JHY: variants seen among roughly 807,000 people sequenced by gnomAD.
The protein encoded by JHY is junctional cadherin complex regulator, also known as jhy protein homolog.
A neutral mutation model predicts 78.0 loss-of-function variants in JHY; 69 were observed. The ratio of observed to expected loss-of-function variants is 0.88; its 90% CI spans 0.73 to 1.08. JHY has a LOEUF of 1.08. Ranked by LOEUF, JHY falls within the 50% of genes least tolerant of loss-of-function variation. The pLI is 0.00. For synonymous variants in JHY, 368 were observed against 342.6 expected, an observed-to-expected ratio of 1.07 and a Z score of -0.82; for missense variants, 944 against 927.8, an observed-to-expected ratio of 1.02 and a Z score of -0.23.
Position 122,963,730 on chromosome 11 carries a change from A to G in JHY, c.*4285A>G, listed in dbSNP as rs1471711069. 6.6e-6 allele frequency among the ~76,000 whole-genome samples: 1 copy of G among 152,192 alleles called. No homozygotes were observed. Among genetic ancestry groups the G allele is most frequent in the Non-Finnish European group, 1.5e-5 (1 of 68,016 alleles). On this transcript the variant is annotated 3_prime_UTR_variant, in exon 9 of 9. Transcript: ENST00000227349. Reference sequence around the variant, plus strand: ...AATAATCTGCCAATTAGAAAACAAAAAACTTCAAACTTAAGTGATGTAATG... The same window carrying G: ...AATAATCTGCCAATTAGAAAACAAAGAACTTCAAACTTAAGTGATGTAATG...
In JHY at chr11:122,940,803, C is replaced by A. The variant is rs562120908; in HGVS notation, c.1635-5695C>A. Among the ~76,000 whole-genome samples the A allele has an allele frequency of 1.7e-4, 26 of 151,464 alleles. No individual in the cohort carries two copies. In the South Asian group the frequency reaches 5.2e-3, roughly 30 times the overall value. On this transcript the variant is annotated intron_variant, in intron 5 of 8. Transcript: ENST00000227349. Reference sequence around the variant, plus strand: ...TATTACATGGCTGTTGAAATAAGACCTTTTCCTCTTCCTTTTTCTCCTTCC... The same window carrying A: ...TATTACATGGCTGTTGAAATAAGACATTTTCCTCTTCCTTTTTCTCCTTCC...
chr11:122,900,266 A>G (rs548356344), intron 2 of JHY, among the ~76,000 whole-genome samples: 1 of 152,240 alleles, frequency 6.6e-6, no homozygotes, highest in Non-Finnish European at 1.5e-5. Context: ...GTTGCTTTAC[A>G]TCAAATCAAA....
At position 122,962,044 on chromosome 11, in the gene JHY, C is replaced by A. The variant is rs181429163; in HGVS notation, c.*2599C>A. 8.5e-4 allele frequency among the ~76,000 whole-genome samples: 129 copies of A among 152,216 alleles called. 1 individual carries two copies. Among genetic ancestry groups the A allele is most frequent in the Middle Eastern group, 6.8e-3 (2 of 294 alleles). ...TGTCAAATGTGTGTTTTCACACACA[C>A]AAAAATAGATAAGACAAAAGCATTC... On this transcript the variant is annotated 3_prime_UTR_variant, in exon 9 of 9. Coordinates refer to ENST00000227349, the MANE Select transcript of JHY (RefSeq NM_024806.4).
At chr11:122,915,950 T>C (rs1302778119) in intron 3 of JHY, among the ~76,000 whole-genome samples, 2 of 151,416 alleles carry the variant, frequency 1.3e-5, no homozygotes, top group Non-Finnish European at 2.9e-5. Flanking sequence ...ATACTGCTGG[T>C]CAAGAACTGG....
At chr11:122,946,135 C>T (rs767988222) in intron 5 of JHY, among the ~76,000 whole-genome samples, 1 of 152,152 alleles carries the variant, frequency 6.6e-6, no homozygotes, top group Non-Finnish European at 1.5e-5. Context: ...TCGTTTTGGT[C>T]TTTAGAGATT....
chr11:122,950,064 C>T (rs930471887), intron 6 of JHY, among the ~76,000 whole-genome samples: 2 of 152,034 alleles, frequency 1.3e-5, no homozygotes, highest in African/African-American at 4.8e-5. Context: ...GAACTCCTGA[C>T]CTCAGATGAT....
intron 3 of JHY, among the ~76,000 whole-genome samples, chr11:122,906,982 A>T (rs1164517186): frequency 6.6e-6 from 1 of 151,942 alleles, no homozygotes; most frequent in Admixed American, 6.6e-5. Flanking sequence ...TTTTTAAGAG[A>T]TGACTCCTAT....
intron 3 of JHY, among the ~76,000 whole-genome samples, chr11:122,918,967 AGCTATTGTAGCTGCCTCTG>A (rs1378801992): frequency 6.6e-6 from 1 of 152,176 alleles, no homozygotes; most frequent in African/African-American, 2.4e-5. Flanking sequence ...GCTCAGATGC[AGCTATTGTAGCTGCCTCTG>A]GGGTGGCAGG....
intron 4 of JHY, among the ~76,000 whole-genome samples, chr11:122,928,681 C>T (rs1445384495): frequency 1.3e-5 from 2 of 152,130 alleles, no homozygotes; most frequent in African/African-American, 4.8e-5. Flanking sequence ...CCGAGTCTCA[C>T]TCTGTTGCCC....
chr11:122,960,106 TGTCTATA>T lies in JHY; in HGVS notation c.*664_*670del, dbSNP rs2135388412. ...AAAATTAGCTAGGCGTGGTGGCGCA[TGTCTATA>T]GTTCCAGGTACTCAGGAGGCTGAGG... On this transcript the variant is annotated 3_prime_UTR_variant, in exon 9 of 9. Coordinates refer to ENST00000227349, the MANE Select transcript of JHY (RefSeq NM_024806.4). Among the ~76,000 whole-genome samples, 1 of 152,114 alleles carries T rather than the reference TGTCTATA, an allele frequency of 6.6e-6. No homozygotes were observed. Among genetic ancestry groups the T allele is most frequent in the Non-Finnish European group, 1.5e-5 (1 of 67,982 alleles).
In JHY at chr11:122,886,044, G is replaced by C. The variant is rs1245991236; in HGVS notation, c.195G>C (p.Arg65=). The change falls in exon 2 of 9, where the codon CGG becomes CGC. Residue 65 remains arginine (R), a synonymous_variant. Transcript: ENST00000227349. ...ATTCTGAGTTTGATGATCGAATCCG[G>C]GGCAACGGTATGGAGCCCGACAGCT... ...MCHSEFDDRI[R]GNGMEPDSLD... The C allele has an allele frequency of 1.2e-6, 2 of 1,614,082 alleles. No homozygotes were observed. Among genetic ancestry groups the C allele is most frequent in the East Asian group, 2.2e-5 (1 of 44,876 alleles).
At chr11:122,897,604 C>T (rs1255481087) in intron 2 of JHY, among the ~76,000 whole-genome samples, 12 of 152,226 alleles carry the variant, frequency 7.9e-5, no homozygotes, top group Non-Finnish European at 1.5e-4. Context: ...CCCACATTCA[C>T]ATAATCTGGT....
chr11:122,934,350 AAAT>A, intron 4 of JHY, 67 bp from the exon 5 acceptor site: 2 of 593,718 alleles, frequency 3.4e-6, no homozygotes, highest in Non-Finnish European at 4.6e-6. Context: ...ATAAATAAAT[AAAT>A]AATAAAATAA....
chr11:122,950,883 A>G (rs2135378065), intron 6 of JHY, among the ~76,000 whole-genome samples: 1 of 152,326 alleles, frequency 6.6e-6, no homozygotes, highest in East Asian at 1.9e-4. Context: ...CCAACTGGGG[A>G]CATCCCCCTT....
chr11:122,948,468 A>AATAATAATAATAATC (rs1288489788), intron 6 of JHY, among the ~76,000 whole-genome samples: 5 of 148,376 alleles, frequency 3.4e-5, no homozygotes, highest in African/African-American at 1.3e-4. Context: ...TAATAATAAT[A>AATAATAATAATAATC]ATAATAATAA....
At chr11:122,911,852 C>T (rs1863132864) in intron 3 of JHY, among the ~76,000 whole-genome samples, 1 of 114,560 alleles carries the variant, frequency 8.7e-6, no homozygotes, top group Non-Finnish European at 1.6e-5. Context: ...TTATGGTGAA[C>T]TGAGATTGCG....
At chr11:122,938,577 T>G (rs1863805832) in intron 5 of JHY, among the ~76,000 whole-genome samples, 1 of 152,212 alleles carries the variant, frequency 6.6e-6, no homozygotes, top group African/African-American at 2.4e-5. Flanking sequence ...AATTCCCTGC[T>G]TTGCTTCTCT....
intron 3 of JHY, among the ~76,000 whole-genome samples, chr11:122,914,419 T>G (rs956061413): frequency 4.0e-5 from 6 of 151,854 alleles, no homozygotes; most frequent in African/African-American, 1.5e-4. Flanking sequence ...ATGGGTGGTG[T>G]TTTTGTTTTG....
At chr11:122,906,332 G>GCAT (rs1392282266) in intron 3 of JHY, among the ~76,000 whole-genome samples, 1 of 152,108 alleles carries the variant, frequency 6.6e-6, no homozygotes, top group Non-Finnish European at 1.5e-5. Context: ...GGGAACACAG[G>GCAT]CATGCACCAC....
Sources: gnomAD v4.1 joint callset for allele counts (sites outside exome capture counted in the v4.1 genomes callset) on GRCh38, gnomAD v4.1.1 for gene constraint, MANE v1.5 for transcripts, NCBI Gene and HGNC (gene_info 2026-07-23, HGNC 2026-07-21) for gene names.